HIRA: variants seen among roughly 807,000 people sequenced by gnomAD.
The protein encoded by HIRA is protein HIRA.
HIRA carries 13 observed loss-of-function variants against 126.6 expected under a neutral mutation model. The ratio of observed to expected loss-of-function variants is 0.10; its 90% CI spans 0.07 to 0.16. The LOEUF is 0.16. HIRA is among the 10% of genes least tolerant of loss of function. The pLI is 1.00. For missense variants in HIRA, 834 were observed against 1,314.4 expected, an observed-to-expected ratio of 0.63 and a Z score of 5.65; for synonymous variants, 511 against 520.0, an observed-to-expected ratio of 0.98 and a Z score of 0.24.
chr22:19,362,423 C>T (rs969859543), intron 15 of HIRA, among the ~76,000 whole-genome samples: 1 of 151,710 alleles, frequency 6.6e-6, no homozygotes, highest in African/African-American at 2.4e-5. Flanking sequence ...TTTCTACTAC[C>T]CATGAAGTGG....
At chr22:19,382,030 T>C (rs1473844927) in intron 13 of HIRA, among the ~76,000 whole-genome samples, 2 of 152,220 alleles carry the variant, frequency 1.3e-5, no homozygotes. Context: ...AGCAAAGAAG[T>C]CTCTCATCTT....
chr22:19,430,023 G>A (rs2089518792), intron 1 of HIRA: 1 of 152,150 alleles, frequency 6.6e-6, no homozygotes, highest in Non-Finnish European at 1.5e-5. Flanking sequence ...AAAACTCAAG[G>A]CTTCGGCTTT....
At chr22:19,348,173 C>T (rs1556009499) in intron 24 of HIRA, among the ~76,000 whole-genome samples, 1 of 152,202 alleles carries the variant, frequency 6.6e-6, no homozygotes, top group East Asian at 1.9e-4. Flanking sequence ...TACAGTGCTA[C>T]TCCCAAGAAG....
Position 19,385,746 on chromosome 22 carries a change from CA to C in HIRA, c.1114-11del, listed in dbSNP as rs776340549. 16 of 1,609,852 alleles carry C rather than the reference CA, an allele frequency of 9.9e-6. No individual in the cohort carries two copies. Among genetic ancestry groups the C allele is most frequent in the Non-Finnish European group, 1.4e-5 (16 of 1,178,052 alleles). On this transcript the variant is annotated splice_polypyrimidine_tract_variant and intron_variant, in intron 11 of 24. Transcript: ENST00000263208. ...ACTGGTGAATGCGGCTCTGGGGAAG[CA>C]AGGAGAGGCATGACATGCCAGCATG...
At chr22:19,364,160 T>C (rs2088891409) in intron 15 of HIRA, among the ~76,000 whole-genome samples, 1 of 149,314 alleles carries the variant, frequency 6.7e-6, no homozygotes, top group African/African-American at 2.5e-5. Context: ...ATAAAGTCTA[T>C]TAAAAAAAAA....
chr22:19,334,014 G>C (rs916920323), intron 24 of HIRA, among the ~76,000 whole-genome samples: 2 of 149,654 alleles, frequency 1.3e-5, no homozygotes, highest in East Asian at 2.0e-4. Context: ...TCGATCTGTC[G>C]CCCAGGCTGG....
At position 19,390,694 on chromosome 22, in the gene HIRA, C is replaced by T. The variant is rs547733042; in HGVS notation, c.936+1407G>A. Among the ~76,000 whole-genome samples, 5 of 150,576 alleles carry T rather than the reference C, an allele frequency of 3.3e-5. No homozygotes were observed. The South Asian group carries it at 1.1e-3, about 32-fold the overall frequency. ...GAGGAGTACTAGGCTCACAACCTTA[C>T]CCATCACAGCATCACCCAGGGGTGA... is the stretch of plus-strand genomic sequence containing the variant. On this transcript the variant is annotated intron_variant, in intron 9 of 24. Coordinates refer to ENST00000263208, the MANE Select transcript of HIRA (RefSeq NM_003325.4).
At chr22:19,375,248 G>A (rs1300554342) in intron 15 of HIRA, among the ~76,000 whole-genome samples, 4 of 152,256 alleles carry the variant, frequency 2.6e-5, no homozygotes, top group African/African-American at 7.2e-5. Context: ...GTGGAAGGCC[G>A]TCACTTCCAT....
chr22:19,403,808 T>C (rs1437870446), intron 5 of HIRA, among the ~76,000 whole-genome samples: 1 of 152,196 alleles, frequency 6.6e-6, no homozygotes, highest in African/African-American at 2.4e-5. Context: ...TATTGTTCTG[T>C]ATAATTTTTC....
chr22:19,392,307 C>T (rs555993325), intron 8 of HIRA, 93 bp from the exon 9 acceptor site: 4 of 684,952 alleles, frequency 5.8e-6, no homozygotes, highest in Non-Finnish European at 1.0e-5. Flanking sequence ...GAGTCTCCCA[C>T]AGACATTCTC....
intron 11 of HIRA, among the ~76,000 whole-genome samples, chr22:19,386,721 G>C (rs1450454585): frequency 7.9e-5 from 12 of 152,202 alleles, no homozygotes; most frequent in Non-Finnish European, 1.8e-4. Context: ...TAAGCAGATG[G>C]GTTATTAGGC....
rs760003741 is a variant in HIRA at position 19,420,462 on chromosome 22, CA to C, written c.38-9685del. On this transcript the variant is annotated intron_variant, in intron 1 of 24. Coordinates refer to ENST00000263208, the MANE Select transcript of HIRA (RefSeq NM_003325.4). ...GCCTGGGCAACAAAAAAAACTGTCT[CA>C]AAAAAAAAAAAAAAAAAACCAAACC... is the stretch of plus-strand genomic sequence containing the variant. 2.4e-3 allele frequency among the ~76,000 whole-genome samples: 155 copies of C among 63,606 alleles called. 1 individual carries two copies. Among genetic ancestry groups the C allele is most frequent in the Middle Eastern group, 8.1e-3 (1 of 124 alleles). 41.7% of individuals were successfully genotyped at this position (63,606 alleles called of 152,430 possible).
chr22:19,348,552 A>G (rs1341944547), intron 24 of HIRA, among the ~76,000 whole-genome samples: 5 of 151,960 alleles, frequency 3.3e-5, no homozygotes, highest in South Asian at 2.1e-4. Context: ...CTGGTGTGCA[A>G]TGGCGCGATC....
chr22:19,421,796 C>T (rs555299330), intron 1 of HIRA, among the ~76,000 whole-genome samples: 9 of 152,226 alleles, frequency 5.9e-5, no homozygotes, highest in East Asian at 1.9e-4. Context: ...CTCAGCCTCC[C>T]GAGTTGCTGG....
At chr22:19,430,151 G>A (rs2089520025) in intron 1 of HIRA, 1 of 152,120 alleles carries the variant, frequency 6.6e-6, no homozygotes, top group Non-Finnish European at 1.5e-5. Context: ...AATGCAGTAG[G>A]GCATACAGAA....
intron 9 of HIRA, among the ~76,000 whole-genome samples, chr22:19,390,430 T>G (rs2089167714): frequency 6.6e-6 from 1 of 151,244 alleles, no homozygotes; most frequent in Admixed American, 6.6e-5. Flanking sequence ...CCATCTTTAC[T>G]AAAATTACAA....
rs2088757443 is a variant in HIRA at position 19,351,541 on chromosome 22, GTGTC to G, written c.2849-99_2849-96del. ...GAAATAAAATCAAGAATATGTTGTTGTGTCTATCAAATCAGAATAAACACATGCG... is the reference window on the plus strand; with the variant it reads ...GAAATAAAATCAAGAATATGTTGTTGTATCAAATCAGAATAAACACATGCG... On this transcript the variant is annotated intron_variant, in intron 23 of 24. Coordinates refer to ENST00000263208, the MANE Select transcript of HIRA (RefSeq NM_003325.4). The surrounding 1 kb of genome is among the most constrained non-coding windows in gnomAD (Gnocchi z 4.8). The G allele has an allele frequency of 1.0e-6, 1 of 983,702 alleles. No individual in the cohort carries two copies. Among genetic ancestry groups the G allele is most frequent in the South Asian group, 1.4e-5 (1 of 69,286 alleles). The allele number at this position is 983,702 out of a possible 1,614,324, so 60.9% of individuals were successfully genotyped here. A position where few individuals can be genotyped will look rare whatever the true frequency, so the allele number is the denominator to read the frequency against.
chr22:19,410,895 C>A (rs1195536795), intron 1 of HIRA, 117 bp from the exon 2 acceptor site: 5 of 833,650 alleles, frequency 6.0e-6, no homozygotes, highest in South Asian at 3.0e-5. Context: ...AAACATCAGA[C>A]AACTGAAAGT....
At chr22:19,400,132 T>C (rs901306265) in intron 5 of HIRA, among the ~76,000 whole-genome samples, 2 of 152,238 alleles carry the variant, frequency 1.3e-5, no homozygotes, top group Non-Finnish European at 1.5e-5. Flanking sequence ...CTCTCTACTT[T>C]TTTATACTGT....
Sources: allele counts gnomAD v4.1 joint callset (sites outside exome capture counted in the v4.1 genomes callset), GRCh38; gene constraint gnomAD v4.1.1; non-coding constraint Gnocchi (gnomAD v3.1); transcripts MANE v1.5; gene names NCBI Gene and HGNC (gene_info 2026-07-23, HGNC 2026-07-21).